Variants in IRF2 observed in about 807,000 individuals in gnomAD.
IRF2 encodes the protein interferon regulatory factor 2.
Under a neutral mutation model 40.6 loss-of-function variants are expected in IRF2, and 15 were observed. That is an observed-to-expected ratio of 0.37 (90% CI 0.25 to 0.57). IRF2 has a LOEUF of 0.57. Ranked by LOEUF, IRF2 falls within the 20% of genes least tolerant of loss-of-function variation. The pLI is 0.77. For synonymous variants in IRF2, 151 were observed against 165.5 expected (o/e 0.91, Z 0.67); for missense variants, 317 against 455.7 (o/e 0.70, Z 2.77).
chr4:184,396,754 C>T lies in IRF2; in HGVS notation c.694+2161G>A, dbSNP rs377435119. ...CAGCCAGATTCCTCACTTTTAAAAA[C>T]GGGATGATGACGATACCCAGGCTGA... On this transcript the variant is annotated intron_variant, in intron 7 of 8. Coordinates refer to ENST00000393593, the MANE Select transcript of IRF2 (RefSeq NM_002199.4). Among the ~76,000 whole-genome samples, 264 of 152,152 alleles carry T rather than the reference C, an allele frequency of 1.7e-3. 4 individuals are homozygous for T. The highest frequency in any genetic ancestry group is 6.6e-3 in the South Asian group (32 of 4,818).
At chr4:184,437,191 GA>G (rs1218608922) in intron 1 of IRF2, among the ~76,000 whole-genome samples, 7 of 152,196 alleles carry the variant, frequency 4.6e-5, no homozygotes, top group Admixed American at 2.0e-4. Context: ...GAGTAGCTGA[GA>G]TTACAGGCAT....
chr4:184,422,270 A>G (rs1276137628), intron 2 of IRF2, among the ~76,000 whole-genome samples: 1 of 152,228 alleles, frequency 6.6e-6, no homozygotes, highest in Admixed American at 6.5e-5. Flanking sequence ...CTCCAAAAAA[A>G]GATACACAAA....
chr4:184,447,826 G>A (rs1391583795), intron 1 of IRF2, among the ~76,000 whole-genome samples: 1 of 152,210 alleles, frequency 6.6e-6, no homozygotes, highest in African/African-American at 2.4e-5. Context: ...TGGAAGTCAA[G>A]GAATAATGAA....
intron 7 of IRF2, among the ~76,000 whole-genome samples, chr4:184,391,712 C>T (rs1736270078): frequency 6.6e-6 from 1 of 152,256 alleles, no homozygotes; most frequent in South Asian, 2.1e-4. Context: ...ATTCGTGACT[C>T]AAAGAAACTG....
chr4:184,419,570 T>TTAAA lies in IRF2; in HGVS notation c.88-3_88-2insTTTA. The stretch of plus-strand genomic sequence containing the variant: ...GGGGATCTGAAAAATCTTCTTTTCC[T>TTAAA]GAAAAAAAAAAAAAAAAAAAAGGTA... On this transcript the variant is annotated splice_polypyrimidine_tract_variant and splice_region_variant and intron_variant, in intron 2 of 8. Coordinates refer to ENST00000393593, the MANE Select transcript of IRF2 (RefSeq NM_002199.4). The TTAAA allele has an allele frequency of 4.6e-5, 38 of 819,808 alleles. No individual in the cohort carries two copies. The highest frequency in any genetic ancestry group is 5.6e-5 in the Non-Finnish European group (32 of 573,234). 50.8% of individuals were successfully genotyped at this position (819,808 alleles called of 1,614,324 possible).
Position 184,424,573 on chromosome 4 carries a change from G to A in IRF2, c.87+4405C>T, listed in dbSNP as rs150479941. 4.6e-3 allele frequency among the ~76,000 whole-genome samples: 708 copies of A among 152,268 alleles called. 2 individuals are homozygous for A. The highest frequency in any genetic ancestry group is 0.011 in the African/African-American group (460 of 41,550). On this transcript the variant is annotated intron_variant, in intron 2 of 8. Transcript: ENST00000393593. ...TAGCACGTGAGCATGCTCTTTCCCC[G>A]CACCGGGTGATATCCTGCACTGCCT...
At chr4:184,429,192 GCT>G in intron 1 of IRF2, 122 bp from the exon 2 acceptor site, 10 of 667,828 alleles carry the variant, frequency 1.5e-5, no homozygotes, top group Non-Finnish European at 1.6e-5. Context: ...GGACCAGGGG[GCT>G]GGGGGGTCGG....
Position 184,408,973 on chromosome 4 carries a change from T to C in IRF2, c.412-698A>G, listed in dbSNP as rs73874630. On this transcript the variant is annotated intron_variant, in intron 5 of 8. Transcript: ENST00000393593. This position sits in a 1 kb window ranked among gnomAD's most constrained non-coding sequence, Gnocchi z 4.9. ...ATAATGAGAACAAATTCCTTTCCCT[T>C]ATTGGAGCTCTAAATGTGTGCTTTT... Among the ~76,000 whole-genome samples the C allele has an allele frequency of 0.035, 5,297 of 152,236 alleles. 297 individuals carry two copies. Among genetic ancestry groups the C allele is most frequent in the African/African-American group, 0.12 (5,019 of 41,524 alleles).
At chr4:184,437,798 G>A (rs1307352013) in intron 1 of IRF2, among the ~76,000 whole-genome samples, 1 of 146,388 alleles carries the variant, frequency 6.8e-6, no homozygotes, top group East Asian at 2.0e-4. Flanking sequence ...TAGAACTACT[G>A]CTCTGGGTCA....
intron 1 of IRF2, among the ~76,000 whole-genome samples, chr4:184,451,107 G>C (rs1454755462): frequency 6.6e-6 from 1 of 152,212 alleles, no homozygotes; most frequent in Non-Finnish European, 1.5e-5. Flanking sequence ...GAAAAGCACT[G>C]AACTGTTTAG....
At position 184,410,927 on chromosome 4, in the gene IRF2, T is replaced by C. The variant is rs183842561; in HGVS notation, c.412-2652A>G. ...TTTTAGCCTGCAGAGACACCGGAAC[T>C]GAACTCTGTCTTTGGTCACGAAATA... On this transcript the variant is annotated intron_variant, in intron 5 of 8. Coordinates refer to ENST00000393593, the MANE Select transcript of IRF2 (RefSeq NM_002199.4). Among the ~76,000 whole-genome samples the C allele has an allele frequency of 3.5e-3, 526 of 152,338 alleles. 2 individuals are homozygous for C. Among genetic ancestry groups the C allele is most frequent in the African/African-American group, 0.012 (499 of 41,582 alleles).
intron 2 of IRF2, 108 bp from the exon 3 acceptor site, chr4:184,419,676 G>T: frequency 1.4e-6 from 1 of 726,806 alleles, no homozygotes; most frequent in Non-Finnish European, 2.3e-6. Context: ...AGCAAGCATC[G>T]CTGAATGTGT....
intron 1 of IRF2, among the ~76,000 whole-genome samples, chr4:184,434,092 G>A (rs892308691): frequency 6.6e-6 from 1 of 152,232 alleles, no homozygotes; most frequent in Non-Finnish European, 1.5e-5. Flanking sequence ...ATTATCGAAA[G>A]TCAAGGTGAC....
chr4:184,456,678 C>A (rs1376629211), intron 1 of IRF2, among the ~76,000 whole-genome samples: 1 of 152,220 alleles, frequency 6.6e-6, no homozygotes. Context: ...CCAGGGGCAC[C>A]AATGTCCTGC....
intron 1 of IRF2, among the ~76,000 whole-genome samples, chr4:184,457,601 AT>A (rs1226405435): frequency 6.6e-6 from 1 of 152,134 alleles, no homozygotes; most frequent in Non-Finnish European, 1.5e-5. Flanking sequence ...TACAAAAAAT[AT>A]TTTTGTACCT....
At chr4:184,433,412 C>T (rs1420261570) in intron 1 of IRF2, among the ~76,000 whole-genome samples, 1 of 152,206 alleles carries the variant, frequency 6.6e-6, no homozygotes, top group Non-Finnish European at 1.5e-5. Context: ...GACTCCTCCA[C>T]TGGTCGGCGT....
At position 184,429,077 on chromosome 4, in the gene IRF2, G is replaced by A. The variant is rs1337415955; in HGVS notation, c.-6-7C>T. 1.2e-6 allele frequency: 2 copies of A among 1,612,770 alleles called. No individual in the cohort carries two copies. The highest frequency in any genetic ancestry group is 2.2e-5 in the South Asian group (2 of 91,052). On this transcript the variant is annotated splice_region_variant and splice_polypyrimidine_tract_variant and intron_variant, in intron 1 of 8. Coordinates refer to ENST00000393593, the MANE Select transcript of IRF2 (RefSeq NM_002199.4). ...TTTCCACCGGCATGGTGCCCTTGAG[G>A]GAGAGAAACACAGCGTCAGGCGTTG... is the stretch of plus-strand genomic sequence containing the variant.
chr4:184,468,929 A>C (rs1739425354), intron 1 of IRF2, among the ~76,000 whole-genome samples: 1 of 152,202 alleles, frequency 6.6e-6, no homozygotes, highest in Non-Finnish European at 1.5e-5. Context: ...CACATTTTAC[A>C]GTGAAAACTT....
chr4:184,412,731 A>G (rs1737122632), intron 5 of IRF2, among the ~76,000 whole-genome samples: 1 of 152,030 alleles, frequency 6.6e-6, no homozygotes, highest in Non-Finnish European at 1.5e-5. Context: ...CTTGCTTGGA[A>G]TGAGGCCATC....
Sources: gnomAD v4.1 joint callset for allele counts (sites outside exome capture counted in the v4.1 genomes callset) on GRCh38, gnomAD v4.1.1 for gene constraint, Gnocchi (gnomAD v3.1) non-coding constraint, MANE v1.5 for transcripts, NCBI Gene and HGNC (gene_info 2026-07-23, HGNC 2026-07-21) for gene names.